BFSP1: variants seen among roughly 807,000 people sequenced by gnomAD.
The protein encoded by BFSP1 is filensin.
BFSP1 carries 38 observed loss-of-function variants against 43.9 expected under a neutral mutation model. The observed-to-expected ratio is 0.87, with a 90% CI of 0.67 to 1.14. The LOEUF (loss-of-function observed/expected upper bound fraction) is 1.14, where lower values mean the gene tolerates loss of function less well. Among genes scored for constraint, BFSP1 ranks in the 50% most tolerant of loss-of-function variants. BFSP1 has a pLI of 0.00. For missense variants in BFSP1, 850 were observed against 875.1 expected (o/e 0.97, Z 0.36); for synonymous variants, 352 against 354.8 (o/e 0.99, Z 0.09).
chr20:17,516,822 T>G (rs924481296), intron 2 of BFSP1: 2 of 593,516 alleles, frequency 3.4e-6, no homozygotes, highest in African/African-American at 3.7e-5. Context: ...ATTAGCCACC[T>G]GCAGTGGAGC....
In BFSP1 at chr20:17,531,084, G is replaced by C. The variant is rs1359437244; in HGVS notation, c.246C>G (p.Ala82=). Residue 82 remains alanine, a synonymous_variant, in exon 1 of 8, where the codon GCC becomes GCG. Coordinates refer to ENST00000377873, the MANE Select transcript of BFSP1 (RefSeq NM_001195.5). ...GGCGGGCGAGGGCGTCCTCGGGCCC[G>C]GCCAGCTCGCCCAGGCGCTGGAAGG... The part of the protein sequence containing the change: ...LDAFQRLGEL[A]GPEDALARQV... The C allele has an allele frequency of 8.0e-6, 11 of 1,374,214 alleles. No individual in the cohort carries two copies. The highest frequency in any genetic ancestry group is 9.4e-6 in the Non-Finnish European group (10 of 1,065,648). 85.1% of individuals were successfully genotyped at this position (1,374,214 alleles called of 1,614,324 possible).
At chr20:17,505,601 T>C (rs1437788247) in intron 5 of BFSP1, among the ~76,000 whole-genome samples, 1 of 152,234 alleles carries the variant, frequency 6.6e-6, no homozygotes, top group Admixed American at 6.5e-5. Context: ...CTAGCTTAGC[T>C]GCTACATTGG....
At chr20:17,531,422 C>A (rs2034538964), upstream of BFSP1, 10 of 1,248,964 alleles carry the variant, frequency 8.0e-6, no homozygotes, top group Middle Eastern at 6.4e-4. Flanking sequence ...ACACCGGAGG[C>A]CCCCGGCGCG....
chr20:17,494,272 C>T lies in BFSP1; in HGVS notation c.1800G>A (p.Val600=). ...GCAGGCTTCTGCTCCTAGTCCCAAG[C>T]ACCTCAGCTCCATCCTGATCAGCCG... ...KPAADQDGAE[V]LGTRSRSLPE... Residue 600 remains valine, a synonymous_variant, in exon 8 of 8, where the codon GTG becomes GTA. Coordinates refer to ENST00000377873, the MANE Select transcript of BFSP1 (RefSeq NM_001195.5). The T allele has an allele frequency of 1.2e-6, 2 of 1,614,190 alleles. No individual in the cohort carries two copies. The highest frequency in any genetic ancestry group is 8.5e-7 in the Non-Finnish European group (1 of 1,180,036).
At chr20:17,568,522 G>A (rs1481585942) in intron 1 of BFSP1, among the ~76,000 whole-genome samples, 2 of 152,106 alleles carry the variant, frequency 1.3e-5, no homozygotes, top group African/African-American at 2.4e-5. Flanking sequence ...TCACCTAGGA[G>A]TTGTTAGAAA....
intron 1 of BFSP1, among the ~76,000 whole-genome samples, chr20:17,568,295 G>T (rs919876900): frequency 1.9e-4 from 29 of 152,108 alleles, no homozygotes; most frequent in Non-Finnish European, 1.5e-5. Flanking sequence ...TGGCAGAGTG[G>T]AGGACGAAAT....
intron 1 of BFSP1, among the ~76,000 whole-genome samples, chr20:17,557,497 G>T (rs1441839450): frequency 6.6e-6 from 1 of 152,084 alleles, no homozygotes; most frequent in Non-Finnish European, 1.5e-5. Flanking sequence ...TAGTGACTCA[G>T]TCCTGGGCCC....
chr20:17,543,655 C>T (rs8125456), intron 1 of BFSP1, among the ~76,000 whole-genome samples: 4,439 of 152,174 alleles, frequency 0.029, 214 homozygotes, highest in African/African-American at 0.1. Context: ...TGATAGGTTA[C>T]AAAAAATCTA....
intron 2 of BFSP1, among the ~76,000 whole-genome samples, chr20:17,515,100 G>A (rs150897799): frequency 9.6e-4 from 146 of 152,266 alleles, no homozygotes; most frequent in African/African-American, 3.2e-3. Flanking sequence ...TAGTGGTAGG[G>A]TCCTTCTATT....
intron 3 of BFSP1, among the ~76,000 whole-genome samples, chr20:17,512,753 C>G (rs1016892593): frequency 6.6e-6 from 1 of 152,080 alleles, no homozygotes; most frequent in Non-Finnish European, 1.5e-5. Flanking sequence ...CTGGAGGGCA[C>G]AAAGGACCCT....
At chr20:17,543,269 T>C (rs1189489357) in intron 1 of BFSP1, among the ~76,000 whole-genome samples, 1 of 152,164 alleles carries the variant, frequency 6.6e-6, no homozygotes, top group Non-Finnish European at 1.5e-5. Flanking sequence ...AAAAACTTGA[T>C]AAAGTCAGCA....
intron 1 of BFSP1, among the ~76,000 whole-genome samples, chr20:17,550,431 T>C (rs1266444180): frequency 6.6e-6 from 1 of 151,798 alleles, no homozygotes; most frequent in African/African-American, 2.4e-5. Context: ...GGCATTTTAG[T>C]GCATAAGTAC....
chr20:17,548,264 T>G (rs1011124191), intron 1 of BFSP1, among the ~76,000 whole-genome samples: 1 of 151,912 alleles, frequency 6.6e-6, no homozygotes, highest in African/African-American at 2.4e-5. Context: ...AATGTTTTTC[T>G]CTCTAGTCTC....
chr20:17,500,197 A>G (rs2033761476), intron 5 of BFSP1, among the ~76,000 whole-genome samples: 1 of 152,244 alleles, frequency 6.6e-6, no homozygotes, highest in South Asian at 2.1e-4. Flanking sequence ...CCTTGTGTAC[A>G]CATAAAATAA....
chr20:17,556,031 GAAT>G (rs896730464), intron 1 of BFSP1, among the ~76,000 whole-genome samples: 14 of 151,994 alleles, frequency 9.2e-5, no homozygotes, highest in Admixed American at 6.6e-5. Context: ...CATGGGAATG[GAAT>G]AGATGGTAAA....
At chr20:17,495,784 C>T (rs923343568) in intron 7 of BFSP1, among the ~76,000 whole-genome samples, 3 of 152,238 alleles carry the variant, frequency 2.0e-5, no homozygotes, top group African/African-American at 7.2e-5. Context: ...CGGCTCCACC[C>T]ACATAGTGAA....
chr20:17,550,552 C>A (rs905149532), intron 1 of BFSP1, among the ~76,000 whole-genome samples: 1 of 151,412 alleles, frequency 6.6e-6, no homozygotes, highest in African/African-American at 2.4e-5. Context: ...GCAACCTCTG[C>A]CACCCAGGTT....
At chr20:17,548,180 C>CAAAAAAAACAAA (rs2034837693) in intron 1 of BFSP1, among the ~76,000 whole-genome samples, 1 of 119,856 alleles carries the variant, frequency 8.3e-6, no homozygotes, top group Non-Finnish European at 1.7e-5. Flanking sequence ...GAAAATAATG[C>CAAAAAAAACAAA]AAAAAAAAAA....
At chr20:17,526,559 A>G (rs2034429066) in intron 1 of BFSP1, among the ~76,000 whole-genome samples, 2 of 152,176 alleles carry the variant, frequency 1.3e-5, no homozygotes, top group Non-Finnish European at 2.9e-5. Flanking sequence ...TTGTTTACGT[A>G]TTCCTTTGTC....
Sources: allele counts gnomAD v4.1 joint callset (sites outside exome capture counted in the v4.1 genomes callset), GRCh38; gene constraint gnomAD v4.1.1; transcripts MANE v1.5; gene names NCBI Gene and HGNC (gene_info 2026-07-23, HGNC 2026-07-21).